CNTNAP2: variants seen among roughly 807,000 people sequenced by gnomAD.
CNTNAP2 encodes contactin-associated protein-like 2.
A neutral mutation model predicts 155.2 loss-of-function variants in CNTNAP2; 98 were observed. That is an observed-to-expected ratio of 0.63 (90% confidence interval 0.54 to 0.75). CNTNAP2 has a LOEUF of 0.75. Ranked by LOEUF, CNTNAP2 falls within the 30% of genes least tolerant of loss-of-function variation. The pLI is 0.00. For missense variants in CNTNAP2, 1,727 were observed against 1,688.1 expected, an observed-to-expected ratio of 1.02 and a Z score of -0.40; for synonymous variants, 651 against 631.2, an observed-to-expected ratio of 1.03 and a Z score of -0.47.
At chr7:146,860,931 C>A (rs1358944145) in intron 3 of CNTNAP2, among the ~76,000 whole-genome samples, 1 of 152,150 alleles carries the variant, frequency 6.6e-6, no homozygotes, top group Admixed American at 6.5e-5. Flanking sequence ...CTACTGGATG[C>A]CAGCTCTCAT....
chr7:146,937,351 C>CAAAAAAAA (rs71165050), intron 3 of CNTNAP2, among the ~76,000 whole-genome samples: 1 of 134,810 alleles, frequency 7.4e-6, no homozygotes, highest in Non-Finnish European at 1.6e-5. Context: ...ACTCTTGTCT[C>CAAAAAAAA]AAAAAAAAAA....
intron 2 of CNTNAP2, among the ~76,000 whole-genome samples, chr7:146,779,128 C>G (rs1202092724): frequency 6.6e-6 from 1 of 152,122 alleles, no homozygotes; most frequent in African/African-American, 2.4e-5. Context: ...CTTTCAGACC[C>G]CTGTTTCCAA....
chr7:146,161,694 G>A (rs562251650), intron 1 of CNTNAP2, among the ~76,000 whole-genome samples: 33 of 152,230 alleles, frequency 2.2e-4, no homozygotes, highest in Middle Eastern at 6.8e-3. Flanking sequence ...AAAAGAGCCC[G>A]CATTGCCAAG....
At chr7:147,441,813 TTCTCTCTC>T (rs568227936) in intron 10 of CNTNAP2, among the ~76,000 whole-genome samples, 2,929 of 102,136 alleles carry the variant, frequency 0.029, 39 homozygotes, top group Middle Eastern at 0.042. Flanking sequence ...TGTAGTCTCT[TTCTCTCTC>T]TCTCTCTCTC....
chr7:147,611,127 G>A (rs888948761), intron 12 of CNTNAP2, among the ~76,000 whole-genome samples: 8 of 151,940 alleles, frequency 5.3e-5, no homozygotes, highest in Non-Finnish European at 7.4e-5. Context: ...CAAGCAATAC[G>A]TTATGAAGTA....
At chr7:146,792,611 C>T (rs1802694458) in intron 2 of CNTNAP2, among the ~76,000 whole-genome samples, 1 of 152,154 alleles carries the variant, frequency 6.6e-6, no homozygotes, top group African/African-American at 2.4e-5. Context: ...GAGCTAAGCA[C>T]ATACCACCAC....
rs533434359 is a variant in CNTNAP2 at position 148,417,350 on chromosome 7, C to G, written c.*1734C>G. 1 of 152,650 alleles carries G rather than the reference C, an allele frequency of 6.6e-6. No homozygotes were observed. Among genetic ancestry groups the G allele is most frequent in the East Asian group, 1.9e-4 (1 of 5,180 alleles). The allele number at this position is 152,650 out of a possible 1,614,324, so 9.5% of individuals were successfully genotyped here. A position where few individuals can be genotyped will look rare whatever the true frequency, so the allele number is the denominator to read the frequency against. On this transcript the variant is annotated 3_prime_UTR_variant, in exon 24 of 24. Coordinates refer to ENST00000361727, the MANE Select transcript of CNTNAP2 (RefSeq NM_014141.6). The stretch of plus-strand genomic sequence containing the variant: ...TAGAGTTGCCAGTGGCACATTACAC[C>G]AGTACAGAGCACATTCCAAAGGAGA...
intron 15 of CNTNAP2, among the ~76,000 whole-genome samples, chr7:148,045,023 A>T (rs1376339511): frequency 6.6e-6 from 1 of 152,172 alleles, no homozygotes; most frequent in Non-Finnish European, 1.5e-5. Context: ...TACCAAGAGA[A>T]TCACTCTCTG....
chr7:146,893,487 G>GGAGAGA (rs61652967), intron 3 of CNTNAP2, among the ~76,000 whole-genome samples: 9 of 150,050 alleles, frequency 6.0e-5, no homozygotes, highest in East Asian at 2.0e-4. Flanking sequence ...ATATATATAT[G>GGAGAGA]GAGAGAGAGA....
In CNTNAP2 at chr7:147,673,342, G is replaced by A. The variant is rs111464577; in HGVS notation, c.2098+34036G>A. Among the ~76,000 whole-genome samples, 116 of 152,234 alleles carry A rather than the reference G, an allele frequency of 7.6e-4. 1 individual carries two copies. The highest frequency in any genetic ancestry group is 2.5e-3 in the African/African-American group (105 of 41,550). On this transcript the variant is annotated intron_variant, in intron 13 of 23. Transcript: ENST00000361727. ...ACTGATTATCATTCATGTTCTGAGC[G>A]CTGTGCTATTACATACATTATTTTA...
chr7:147,944,483 T>A (rs534367168), intron 14 of CNTNAP2, among the ~76,000 whole-genome samples: 1 of 152,308 alleles, frequency 6.6e-6, no homozygotes, highest in East Asian at 1.9e-4. Flanking sequence ...CTGCCTGTAT[T>A]GTGGGCAAGA....
chr7:148,009,113 T>A (rs927667552), intron 15 of CNTNAP2, among the ~76,000 whole-genome samples: 1 of 152,136 alleles, frequency 6.6e-6, no homozygotes, highest in Non-Finnish European at 1.5e-5. Context: ...TAGTTGAAAA[T>A]ATATCAAAAG....
intron 13 of CNTNAP2, among the ~76,000 whole-genome samples, chr7:147,774,157 G>C (rs921656677): frequency 6.6e-6 from 1 of 152,072 alleles, no homozygotes; most frequent in African/African-American, 2.4e-5. Flanking sequence ...GGCACTTAAT[G>C]CTATCTGGCA....
chr7:148,341,337 AGT>A (rs1798228670), intron 21 of CNTNAP2, among the ~76,000 whole-genome samples: 2 of 151,402 alleles, frequency 1.3e-5, no homozygotes, highest in South Asian at 4.2e-4. Context: ...AATCCGTAAT[AGT>A]GTGTTAAAAG....
At chr7:148,004,949 A>G (rs1306565680) in intron 15 of CNTNAP2, among the ~76,000 whole-genome samples, 8 of 152,218 alleles carry the variant, frequency 5.3e-5, no homozygotes, top group Admixed American at 5.2e-4. Context: ...AAGTAAATCA[A>G]GGTGCTGAAT....
chr7:146,818,047 T>C (rs1375373678), intron 2 of CNTNAP2, among the ~76,000 whole-genome samples: 2 of 152,168 alleles, frequency 1.3e-5, no homozygotes, highest in African/African-American at 4.8e-5. Context: ...TAAATACTAG[T>C]AGTGTGGTTA....
intron 21 of CNTNAP2, among the ~76,000 whole-genome samples, chr7:148,369,069 T>TAA (rs747139580): frequency 1.1e-4 from 17 of 151,656 alleles, no homozygotes; most frequent in Non-Finnish European, 1.9e-4. Context: ...CAAACATTAA[T>TAA]AAGACATTGT....
At chr7:146,236,157 A>G (rs924940242) in intron 1 of CNTNAP2, among the ~76,000 whole-genome samples, 3 of 152,144 alleles carry the variant, frequency 2.0e-5, no homozygotes, top group East Asian at 1.9e-4. Flanking sequence ...TTGTTATTCA[A>G]TGATGGTTCA....
intron 2 of CNTNAP2, among the ~76,000 whole-genome samples, chr7:146,775,704 T>C (rs1802378726): frequency 6.6e-6 from 1 of 151,324 alleles, no homozygotes; most frequent in South Asian, 2.1e-4. Flanking sequence ...AGAAAAAATA[T>C]TGTATCAGAA....
Sources: gnomAD v4.1 joint callset for allele counts (sites outside exome capture counted in the v4.1 genomes callset) on GRCh38, gnomAD v4.1.1 for gene constraint, MANE v1.5 for transcripts, NCBI Gene and HGNC (gene_info 2026-07-23, HGNC 2026-07-21) for gene names.